EPB41L2: variants seen among roughly 807,000 people sequenced by gnomAD.
EPB41L2 encodes erythrocyte membrane protein band 4.1 like 2.
Under a neutral mutation model 113.0 loss-of-function variants are expected in EPB41L2, and 43 were observed. The ratio of observed to expected loss-of-function variants is 0.38; its 90% CI spans 0.30 to 0.49. EPB41L2 has a LOEUF of 0.49. Ranked by LOEUF, EPB41L2 falls within the 20% of genes least tolerant of loss-of-function variation. The probability of loss-of-function intolerance (pLI) is 0.95; values close to 1 mark genes in which losing one functional copy is unlikely to be tolerated. For missense variants in EPB41L2, 1,147 were observed against 1,223.4 expected (o/e 0.94, Z 0.93); for synonymous variants, 442 against 436.7 (o/e 1.01, Z -0.15).
chr6:130,971,769 G>A (rs1584126219), intron 1 of EPB41L2, among the ~76,000 whole-genome samples: 1 of 152,190 alleles, frequency 6.6e-6, no homozygotes, highest in Admixed American at 6.5e-5. Flanking sequence ...TGAATAAGGG[G>A]AGGCCTACTG....
At chr6:130,869,339 AG>A (rs1784891591) in intron 15 of EPB41L2, among the ~76,000 whole-genome samples, 1 of 152,236 alleles carries the variant, frequency 6.6e-6, no homozygotes, top group African/African-American at 2.4e-5. Context: ...CTTCTAGGAA[AG>A]TTTACCCTAC....
chr6:130,921,017 T>C (rs1562490157), intron 4 of EPB41L2, among the ~76,000 whole-genome samples: 2 of 152,146 alleles, frequency 1.3e-5, no homozygotes, highest in Non-Finnish European at 2.9e-5. Context: ...CCCTGAAACC[T>C]AGGACTTTTC....
chr6:130,873,458 C>A (rs1172632857), intron 14 of EPB41L2, among the ~76,000 whole-genome samples: 1 of 130,984 alleles, frequency 7.6e-6, no homozygotes, highest in African/African-American at 2.9e-5. Context: ...ATAAACCCCA[C>A]TATTCAGGTT....
chr6:130,972,281 G>T (rs948381336), intron 1 of EPB41L2, among the ~76,000 whole-genome samples: 4 of 134,926 alleles, frequency 3.0e-5, no homozygotes, highest in Admixed American at 1.7e-4. Flanking sequence ...CCAAGATTGC[G>T]CCATTGCACT....
intron 14 of EPB41L2, chr6:130,876,636 A>G (rs984325612): frequency 4.5e-5 from 54 of 1,197,646 alleles, no homozygotes; most frequent in Admixed American, 5.3e-5. Flanking sequence ...GGAAAGGGGG[A>G]AAAAGCAAGA....
intron 1 of EPB41L2, among the ~76,000 whole-genome samples, chr6:131,020,502 C>T (rs1212851643): frequency 6.6e-6 from 1 of 152,134 alleles, no homozygotes; most frequent in African/African-American, 2.4e-5. Context: ...AAAGTGATTC[C>T]CTCTATCTAC....
At chr6:130,878,344 T>G in intron 13 of EPB41L2, 94 bp from the exon 14 acceptor site, 1 of 1,377,388 alleles carries the variant, frequency 7.3e-7, no homozygotes, top group Non-Finnish European at 9.6e-7. Flanking sequence ...CAAAGCAAAC[T>G]TACGATTAAA....
At chr6:130,986,622 G>T (rs1163577815) in intron 1 of EPB41L2, among the ~76,000 whole-genome samples, 5 of 148,744 alleles carry the variant, frequency 3.4e-5, no homozygotes, top group Non-Finnish European at 5.9e-5. Context: ...TTGCTCTGTT[G>T]CCCAGGAGGC....
chr6:130,864,696 T>C lies in EPB41L2; in HGVS notation c.2829+840A>G, dbSNP rs561220524. Among the ~76,000 whole-genome samples, 236 of 152,374 alleles carry C rather than the reference T, an allele frequency of 1.5e-3. 2 individuals carry two copies. The highest frequency in any genetic ancestry group is 4.7e-3 in the Admixed American group (72 of 15,308). ...CCATAACAAACCAGGCTTATCACTATGCTTAATAACTGGATATGCTTTAAA... is the reference window on the plus strand; with the variant it reads ...CCATAACAAACCAGGCTTATCACTACGCTTAATAACTGGATATGCTTTAAA... On this transcript the variant is annotated intron_variant, in intron 17 of 19. Transcript: ENST00000337057.
chr6:130,975,551 T>C (rs149650783), intron 1 of EPB41L2, among the ~76,000 whole-genome samples: 165 of 152,306 alleles, frequency 1.1e-3, no homozygotes, highest in African/African-American at 3.8e-3. Context: ...GAAAGTACAG[T>C]TATCAATATC....
chr6:130,866,171 T>C (rs1338625521), intron 16 of EPB41L2, among the ~76,000 whole-genome samples: 1 of 152,238 alleles, frequency 6.6e-6, no homozygotes, highest in Non-Finnish European at 1.5e-5. Context: ...GTTGTGAGCA[T>C]ATATACGGGC....
At chr6:131,041,713 G>A (rs747670834) in intron 1 of EPB41L2, among the ~76,000 whole-genome samples, 12 of 151,832 alleles carry the variant, frequency 7.9e-5, no homozygotes, top group Non-Finnish European at 1.5e-4. Flanking sequence ...CAAATCAATT[G>A]AATATAGAAA....
intron 1 of EPB41L2, among the ~76,000 whole-genome samples, chr6:131,059,860 T>C (rs567419712): frequency 6.6e-6 from 1 of 152,340 alleles, no homozygotes; most frequent in South Asian, 2.1e-4. Context: ...GGTACAGTAA[T>C]TCTGAATCTG....
At chr6:130,938,531 C>A (rs1809684756) in intron 3 of EPB41L2, among the ~76,000 whole-genome samples, 1 of 152,110 alleles carries the variant, frequency 6.6e-6, no homozygotes, top group Non-Finnish European at 1.5e-5. Flanking sequence ...TCAGAAAGAA[C>A]CTAGAATTCA....
At chr6:130,879,181 C>T (rs2128463643) in intron 13 of EPB41L2, among the ~76,000 whole-genome samples, 1 of 152,262 alleles carries the variant, frequency 6.6e-6, no homozygotes, top group Admixed American at 6.5e-5. Flanking sequence ...GGTCATGCAA[C>T]CAATAAAATT....
At chr6:130,995,283 C>T (rs1286852683) in intron 1 of EPB41L2, among the ~76,000 whole-genome samples, 3 of 152,072 alleles carry the variant, frequency 2.0e-5, no homozygotes, top group African/African-American at 7.2e-5. Flanking sequence ...TGCAGTGAGC[C>T]GAGATCGCAC....
At position 130,913,712 on chromosome 6, in the gene EPB41L2, T is replaced by TA. The variant is rs199857710; in HGVS notation, c.811-4850dup. ...GGGTATAGCATCATAAATTCCTAAG[T>TA]AAAAAAAAAATGACTTAAATGACTT... On this transcript the variant is annotated intron_variant, in intron 4 of 19. Transcript: ENST00000337057. Among the ~76,000 whole-genome samples the TA allele has an allele frequency of 2.6e-4, 38 of 147,902 alleles. No individual in the cohort carries two copies. In the East Asian group the frequency reaches 3.5e-3, roughly 14 times the overall value.
intron 3 of EPB41L2, among the ~76,000 whole-genome samples, chr6:130,937,524 A>C (rs955073125): frequency 2.1e-5 from 3 of 144,252 alleles, no homozygotes; most frequent in African/African-American, 7.4e-5. Context: ...AAAATGCTTT[A>C]AAAAAAAAAT....
chr6:131,007,591 C>T (rs1168823265), intron 1 of EPB41L2, among the ~76,000 whole-genome samples: 1 of 152,134 alleles, frequency 6.6e-6, no homozygotes. Flanking sequence ...AAGTCTGGAA[C>T]CTCCTAGAGA....
Sources: gnomAD v4.1 joint callset for allele counts (sites outside exome capture counted in the v4.1 genomes callset) on GRCh38, gnomAD v4.1.1 for gene constraint, MANE v1.5 for transcripts, NCBI Gene and HGNC (gene_info 2026-07-23, HGNC 2026-07-21) for gene names.